The following COMMD7 variants were observed in gnomAD, a reference collection of about 807,000 sequenced individuals.
COMMD7 encodes COMM domain containing 7, also known as COMM domain-containing protein 7.
A neutral mutation model predicts 34.8 loss-of-function variants in COMMD7; 28 were observed. That is an observed-to-expected ratio of 0.80 (90% CI 0.60 to 1.10). COMMD7 has a LOEUF of 1.10. Among genes scored for constraint, COMMD7 ranks in the 50% least tolerant of loss-of-function variants. The probability of loss-of-function intolerance (pLI) is 0.00; values close to 1 mark genes in which losing one functional copy is unlikely to be tolerated. For missense variants in COMMD7, 211 were observed against 241.6 expected (o/e 0.87, Z 0.84); for synonymous variants, 80 against 86.4 (o/e 0.93, Z 0.41).
chr20:32,729,392 T>C (rs1440024276), intron 1 of COMMD7, among the ~76,000 whole-genome samples: 1 of 151,750 alleles, frequency 6.6e-6, no homozygotes, highest in Non-Finnish European at 1.5e-5. Flanking sequence ...GGTCTCGAAC[T>C]CCTCACCTCA....
chr20:32,710,604 C>T (rs1040349330), intron 3 of COMMD7, among the ~76,000 whole-genome samples: 12 of 151,902 alleles, frequency 7.9e-5, no homozygotes, highest in African/African-American at 2.9e-4. Context: ...TGGCACAGGC[C>T]TGTGGTCCCA....
intron 3 of COMMD7, among the ~76,000 whole-genome samples, chr20:32,714,028 G>A (rs1254983910): frequency 1.3e-5 from 2 of 152,000 alleles, no homozygotes; most frequent in African/African-American, 4.8e-5. Context: ...CAGGAGAATC[G>A]CTTGAACCCA....
chr20:32,725,491 C>T (rs143611062), intron 3 of COMMD7, among the ~76,000 whole-genome samples: 39,117 of 146,260 alleles, frequency 0.27, 5,349 homozygotes, highest in Middle Eastern at 0.33. Flanking sequence ...TGCAGTGGCA[C>T]GGTCTCAGCT....
At chr20:32,713,192 G>C (rs924517068) in intron 3 of COMMD7, among the ~76,000 whole-genome samples, 2 of 152,006 alleles carry the variant, frequency 1.3e-5, no homozygotes, top group Non-Finnish European at 2.9e-5. Flanking sequence ...GGGATTACAG[G>C]CATGTGCCAC....
chr20:32,741,706 G>A (rs1986457499), intron 1 of COMMD7, among the ~76,000 whole-genome samples: 1 of 152,042 alleles, frequency 6.6e-6, no homozygotes, highest in Non-Finnish European at 1.5e-5. Context: ...CTTTTATACT[G>A]TATTTGTACT....
At chr20:32,736,228 A>C (rs6058846) in intron 1 of COMMD7, among the ~76,000 whole-genome samples, 105,002 of 152,028 alleles carry the variant, frequency 0.69, 36,977 homozygotes, top group Middle Eastern at 0.82. Flanking sequence ...TCGTTTTACT[A>C]CTTGAGGCCT....
intron 3 of COMMD7, among the ~76,000 whole-genome samples, chr20:32,718,621 C>T (rs1420872912): frequency 6.6e-6 from 1 of 152,080 alleles, no homozygotes; most frequent in Non-Finnish European, 1.5e-5. Flanking sequence ...ATCGCTTGAA[C>T]TCAGGAGGCG....
At position 32,711,209 on chromosome 20, in the gene COMMD7, CAACGTGGTGA is replaced by C. The variant is rs571612631; in HGVS notation, c.242-4459_242-4450del. On this transcript the variant is annotated intron_variant, in intron 3 of 8. Transcript: ENST00000278980. ...GTCAGGAGTTTGAGACCAGCCTGGTCAACGTGGTGAAACCCCGTCTCCACTAAAAATACAA... is the reference window on the plus strand; with the variant it reads ...GTCAGGAGTTTGAGACCAGCCTGGTCAACCCCGTCTCCACTAAAAATACAA... Among the ~76,000 whole-genome samples, 7 of 152,212 alleles carry C rather than the reference CAACGTGGTGA, an allele frequency of 4.6e-5. No homozygotes were observed. The South Asian group carries it at 1.5e-3, about 32-fold the overall frequency.
chr20:32,728,319 C>T (rs577708081), intron 1 of COMMD7, among the ~76,000 whole-genome samples, 177 bp from the exon 2 acceptor site: 1 of 152,162 alleles, frequency 6.6e-6, no homozygotes, highest in Non-Finnish European at 1.5e-5. Flanking sequence ...GTCAATATAC[C>T]TGTGTCGCTA....
chr20:32,715,874 C>T (rs1375021072), intron 3 of COMMD7, among the ~76,000 whole-genome samples: 2 of 151,860 alleles, frequency 1.3e-5, no homozygotes, highest in African/African-American at 4.8e-5. Context: ...AAATAGTGGC[C>T]CTACTGCCAA....
At chr20:32,709,763 C>G (rs574499477) in intron 3 of COMMD7, among the ~76,000 whole-genome samples, 1 of 152,310 alleles carries the variant, frequency 6.6e-6, no homozygotes, top group South Asian at 2.1e-4. Context: ...CTTTCTACCC[C>G]TGGCCATTTG....
intron 1 of COMMD7, among the ~76,000 whole-genome samples, chr20:32,736,232 G>A (rs927644060): frequency 6.6e-6 from 1 of 152,208 alleles, no homozygotes; most frequent in African/African-American, 2.4e-5. Context: ...TTTACTACTT[G>A]AGGCCTACAC....
intron 5 of COMMD7, among the ~76,000 whole-genome samples, chr20:32,705,976 A>G (rs538431915): frequency 1.2e-4 from 18 of 152,160 alleles, no homozygotes; most frequent in Non-Finnish European, 1.6e-4. Context: ...AGGCAGGTGG[A>G]TCACCTGAGG....
intron 1 of COMMD7, among the ~76,000 whole-genome samples, chr20:32,740,608 T>C (rs1024383623): frequency 2.0e-5 from 3 of 151,794 alleles, no homozygotes; most frequent in African/African-American, 4.8e-5. Context: ...AAGCTATGTG[T>C]TACTACAAAA....
intron 3 of COMMD7, among the ~76,000 whole-genome samples, chr20:32,721,971 G>A (rs937864887): frequency 6.6e-6 from 1 of 151,688 alleles, no homozygotes; most frequent in African/African-American, 2.4e-5. Context: ...TGAGGCAGGA[G>A]AATCGCTTGA....
chr20:32,739,816 G>A (rs2145791761), intron 1 of COMMD7, among the ~76,000 whole-genome samples: 1 of 140,242 alleles, frequency 7.1e-6, no homozygotes, highest in South Asian at 2.6e-4. Flanking sequence ...TCAGGAGTTC[G>A]AGACTACCCT....
At chr20:32,728,218 T>A in intron 1 of COMMD7, 76 bp from the exon 2 acceptor site, 1 of 1,385,662 alleles carries the variant, frequency 7.2e-7, no homozygotes, top group Non-Finnish European at 1.0e-6. Context: ...GGCAACTGCA[T>A]AGCCTTGAGA....
At position 32,728,213 on chromosome 20, in the gene COMMD7, C is replaced by CAGT. The variant is rs199664690; in HGVS notation, c.85-72_85-71insACT. 7.5e-4 allele frequency: 1,064 copies of CAGT among 1,411,272 alleles called. 28 individuals are homozygous for CAGT. The East Asian group carries it at 0.024, about 32-fold the overall frequency. 87.4% of individuals were successfully genotyped at this position (1,411,272 alleles called of 1,614,324 possible). A position where few individuals can be genotyped will look rare whatever the true frequency, so the allele number is the denominator to read the frequency against. ...GGTCAGCATGCCCCACCCCAGGCAA[C>CAGT]TGCATAGCCTTGAGAGGGAAGAACA... On this transcript the variant is annotated intron_variant, in intron 1 of 8. Transcript: ENST00000278980.
chr20:32,705,448 G>A (rs558630861), intron 5 of COMMD7, among the ~76,000 whole-genome samples: 230 of 149,772 alleles, frequency 1.5e-3, no homozygotes, highest in Non-Finnish European at 2.6e-3. Context: ...ATCTTGGCTC[G>A]CTGCAAGCTC....
Sources: allele counts gnomAD v4.1 joint callset (sites outside exome capture counted in the v4.1 genomes callset), GRCh38; gene constraint gnomAD v4.1.1; transcripts MANE v1.5; gene names NCBI Gene and HGNC (gene_info 2026-07-23, HGNC 2026-07-21).